Variants in SYN3 observed in about 807,000 individuals in gnomAD.
The protein encoded by SYN3 is synapsin-3.
A neutral mutation model predicts 65.8 loss-of-function variants in SYN3; 35 were observed. The ratio of observed to expected loss-of-function variants is 0.53; its 90% CI spans 0.41 to 0.70. The LOEUF is 0.70. SYN3 is among the 30% of genes least tolerant of loss of function. SYN3 has a pLI of 0.00. For missense variants in SYN3, 680 were observed against 749.0 expected, an observed-to-expected ratio of 0.91 and a Z score of 1.08; for synonymous variants, 270 against 292.9, an observed-to-expected ratio of 0.92 and a Z score of 0.80.
intron 7 of SYN3, among the ~76,000 whole-genome samples, chr22:32,569,261 A>ATCTATCTATCTATCTGTCTG (rs376551747): frequency 2.9e-5 from 4 of 136,854 alleles, no homozygotes; most frequent in African/African-American, 7.9e-5. Flanking sequence ...TCCAAAATCT[A>ATCTATCTATCTATCTGTCTG]TCTATCTATC....
intron 6 of SYN3, among the ~76,000 whole-genome samples, chr22:32,788,163 T>TCCAC (rs1166354709): frequency 6.6e-6 from 1 of 152,124 alleles, no homozygotes; most frequent in African/African-American, 2.4e-5. Context: ...ATCTGTGGAT[T>TCCAC]CCACATCGGG....
In SYN3 at chr22:33,006,409, G is replaced by C; in HGVS notation, c.254C>G (p.Thr85Arg). The change falls in exon 2 of 14, where the codon ACG (threonine) becomes AGG (arginine). Residue 85 changes from threonine (T) to arginine (R), a missense_variant. Coordinates refer to ENST00000358763, the MANE Select transcript of SYN3 (RefSeq NM_003490.4). The part of the protein sequence containing the change: ...SGLMEPPGPS[T>R]PIVQRPRILL... The stretch of plus-strand genomic sequence containing the variant: ...GATCCTGGGTCTTTGAACAATGGGC[G>C]TGGAGGGACCTGGAGGCTCCATCAG... 6.2e-7 allele frequency: 1 copy of C among 1,614,196 alleles called. No individual in the cohort carries two copies. The highest frequency in any genetic ancestry group is 8.5e-7 in the Non-Finnish European group (1 of 1,180,028).
chr22:32,968,870 G>A (rs1311262970), intron 3 of SYN3, among the ~76,000 whole-genome samples: 1 of 152,184 alleles, frequency 6.6e-6, no homozygotes, highest in African/African-American at 2.4e-5. Context: ...AGTGTGGAGG[G>A]CTCTGTCATT....
intron 4 of SYN3, among the ~76,000 whole-genome samples, chr22:32,884,559 G>GC (rs1466956143): frequency 6.6e-6 from 1 of 152,176 alleles, no homozygotes. Context: ...GTTCTAACTT[G>GC]TTTTTCTTCA....
intron 6 of SYN3, among the ~76,000 whole-genome samples, chr22:32,645,439 G>A (rs1228515734): frequency 4.4e-5 from 6 of 137,840 alleles, no homozygotes; most frequent in South Asian, 2.2e-4. Flanking sequence ...CAACAAGAGC[G>A]AAACTCCGTC....
chr22:32,870,820 G>T (rs1343866538), intron 4 of SYN3, among the ~76,000 whole-genome samples: 1 of 151,990 alleles, frequency 6.6e-6, no homozygotes, highest in African/African-American at 2.4e-5. Flanking sequence ...TTTCTTTCCT[G>T]TAAAAGTCTG....
intron 9 of SYN3, among the ~76,000 whole-genome samples, chr22:32,537,817 C>T (rs945462519): frequency 4.6e-5 from 7 of 152,240 alleles, no homozygotes; most frequent in Non-Finnish European, 7.3e-5. Context: ...CTTCCCCTCT[C>T]TGAGTTTTCT....
chr22:32,541,913 G>A (rs1178830097), intron 7 of SYN3, among the ~76,000 whole-genome samples, 200 bp from the exon 8 acceptor site: 1 of 152,136 alleles, frequency 6.6e-6, no homozygotes, highest in African/African-American at 2.4e-5. Context: ...ATTCTGCTTG[G>A]GTGGTCAAGA....
At chr22:32,629,680 C>G (rs1033108042) in intron 6 of SYN3, 1 of 152,164 alleles carries the variant, frequency 6.6e-6, no homozygotes, top group Non-Finnish European at 1.5e-5. Flanking sequence ...AGAGCCATCC[C>G]CTGGGAGCCT....
intron 4 of SYN3, among the ~76,000 whole-genome samples, chr22:32,913,614 A>G (rs1195727054): frequency 6.6e-6 from 1 of 152,102 alleles, no homozygotes; most frequent in Non-Finnish European, 1.5e-5. Flanking sequence ...AAGCTCTGAG[A>G]GCTTCAGTTT....
At chr22:32,871,422 T>C (rs966637961) in intron 4 of SYN3, among the ~76,000 whole-genome samples, 6 of 152,146 alleles carry the variant, frequency 3.9e-5, no homozygotes, top group African/African-American at 1.4e-4. Flanking sequence ...CTCATTGTCT[T>C]TACGGATTTG....
chr22:32,869,690 GTTTTTT>G (rs748620876), intron 4 of SYN3, among the ~76,000 whole-genome samples: 2 of 114,924 alleles, frequency 1.7e-5, no homozygotes, highest in Non-Finnish European at 3.4e-5. Context: ...ACACATCTTG[GTTTTTT>G]TTTTTTTTTT....
intron 1 of SYN3, among the ~76,000 whole-genome samples, chr22:33,033,619 G>T (rs1182563019): frequency 1.3e-5 from 2 of 152,148 alleles, no homozygotes; most frequent in Admixed American, 1.3e-4. Flanking sequence ...CCTGCACACA[G>T]AACTCACAAG....
intron 6 of SYN3, among the ~76,000 whole-genome samples, chr22:32,824,644 G>A (rs2047349218): frequency 6.6e-6 from 1 of 152,168 alleles, no homozygotes. Context: ...TAAATTCTCT[G>A]TATACAAATA....
intron 7 of SYN3, among the ~76,000 whole-genome samples, chr22:32,542,264 T>C (rs2058268265): frequency 6.6e-6 from 1 of 152,106 alleles, no homozygotes; most frequent in Non-Finnish European, 1.5e-5. Flanking sequence ...ATGGGTGTGA[T>C]ATGAGACACA....
At chr22:32,770,050 A>G (rs561426546) in intron 6 of SYN3, among the ~76,000 whole-genome samples, 9 of 152,296 alleles carry the variant, frequency 5.9e-5, no homozygotes, top group East Asian at 1.9e-4. Flanking sequence ...TGACTGTTCA[A>G]TCTGCAGCTT....
intron 3 of SYN3, among the ~76,000 whole-genome samples, chr22:32,938,125 GA>G (rs764925460): frequency 6.6e-6 from 1 of 152,132 alleles, no homozygotes; most frequent in East Asian, 1.9e-4. Flanking sequence ...CCAAAGGGGG[GA>G]AAATACATTT....
chr22:33,027,669 AG>A (rs2053662815), intron 1 of SYN3, among the ~76,000 whole-genome samples: 1 of 151,932 alleles, frequency 6.6e-6, no homozygotes, highest in Non-Finnish European at 1.5e-5. Flanking sequence ...AGAAAGAAAA[AG>A]AAAGAAAAGA....
intron 1 of SYN3, among the ~76,000 whole-genome samples, chr22:33,040,449 C>T (rs2053943428): frequency 6.6e-6 from 1 of 152,334 alleles, no homozygotes; most frequent in Middle Eastern, 3.4e-3. Flanking sequence ...CCACTGCTCT[C>T]CATGCATCCA....
Sources: allele counts gnomAD v4.1 joint callset (sites outside exome capture counted in the v4.1 genomes callset), GRCh38; gene constraint gnomAD v4.1.1; transcripts MANE v1.5; gene names NCBI Gene and HGNC (gene_info 2026-07-23, HGNC 2026-07-21).